Variants in MYO16 observed in about 807,000 individuals in gnomAD.
MYO16 encodes the protein myosin XVI, also known as unconventional myosin-XVI.
MYO16 carries 94 observed loss-of-function variants against 205.3 expected under a neutral mutation model. The ratio of observed to expected loss-of-function variants is 0.46; its 90% CI spans 0.39 to 0.54. The LOEUF is 0.54. Among genes scored for constraint, MYO16 ranks in the 20% least tolerant of loss-of-function variants. MYO16 has a pLI of 0.00. For synonymous variants in MYO16, 988 were observed against 954.0 expected, an observed-to-expected ratio of 1.04 and a Z score of -0.66; for missense variants, 2,315 against 2,387.5, an observed-to-expected ratio of 0.97 and a Z score of 0.63.
At chr13:108,859,697 C>T (rs959904435) in intron 11 of MYO16, among the ~76,000 whole-genome samples, 1 of 152,156 alleles carries the variant, frequency 6.6e-6, no homozygotes, top group Non-Finnish European at 1.5e-5. Flanking sequence ...TGAATACTTA[C>T]TGCCAGCAGC....
chr13:109,055,653 AC>A lies in MYO16; in HGVS notation c.3335+59del. 5 of 1,408,506 alleles carry A rather than the reference AC, an allele frequency of 3.5e-6. No individual in the cohort carries two copies. Among genetic ancestry groups the A allele is most frequent in the Non-Finnish European group, 5.0e-6 (5 of 1,006,968 alleles). 87.3% of individuals were successfully genotyped at this position (1,408,506 alleles called of 1,614,324 possible). ...CGCTGCTGTTCAGTGCAGTGTACTG[AC>A]ACTGACACTATTGTAGCAAGGGTCT... is the stretch of plus-strand genomic sequence containing the variant. On this transcript the variant is annotated intron_variant, in intron 27 of 34. Coordinates refer to ENST00000457511, the MANE Select transcript of MYO16 (RefSeq NM_001198950.3). The surrounding 1 kb of genome is among the most constrained non-coding windows in gnomAD (Gnocchi z 5.0).
intron 28 of MYO16, among the ~76,000 whole-genome samples, chr13:109,104,349 T>A (rs1594089262): frequency 6.6e-6 from 1 of 152,316 alleles, no homozygotes; most frequent in Admixed American, 6.5e-5. Context: ...GTGTCTTTTT[T>A]ATGTTTATAA....
chr13:109,141,036 C>T lies in MYO16; in HGVS notation c.4824C>T (p.Pro1608=), dbSNP rs1359660486. 1.4e-6 allele frequency: 2 copies of T among 1,393,022 alleles called. No homozygotes were observed. The highest frequency in any genetic ancestry group is 1.5e-5 in the African/African-American group (1 of 65,526). 86.3% of individuals were successfully genotyped at this position (1,393,022 alleles called of 1,614,324 possible). The part of the protein sequence containing the change: ...PPPPPGPPPA[P]YRPCAHLAFP... ...CCCCGCCCGGGCCGCCCCCCGCGCC[C>T]TACAGGCCCTGCGCGCACTTGGCCT... The change falls in exon 32 of 35, where the codon CCC becomes CCT. Residue 1608 remains proline (P), a synonymous_variant. Transcript: ENST00000457511. This position sits in a 1 kb window ranked among gnomAD's most constrained non-coding sequence, Gnocchi z 4.1.
intron 16 of MYO16, among the ~76,000 whole-genome samples, chr13:108,915,170 C>G (rs996076854): frequency 2.6e-5 from 4 of 152,136 alleles, no homozygotes; most frequent in Admixed American, 6.6e-5. Flanking sequence ...TAGACATCAC[C>G]TCCTAAGGCT....
chr13:109,165,093 A>G (rs762840257), intron 33 of MYO16, 34 bp downstream of exon 33: 15 of 1,538,886 alleles, frequency 9.7e-6, no homozygotes, highest in Non-Finnish European at 1.2e-5. Context: ...GTAAATGTAC[A>G]AAAGTTTTAG....
At chr13:108,713,994 G>A (rs1345095546) in intron 3 of MYO16, among the ~76,000 whole-genome samples, 1 of 152,172 alleles carries the variant, frequency 6.6e-6, no homozygotes, top group East Asian at 1.9e-4. Flanking sequence ...ATTCTGCTAA[G>A]AGTCTTCCAT....
upstream of MYO16, among the ~76,000 whole-genome samples, chr13:108,594,234 A>G (rs1317837408): frequency 6.6e-6 from 1 of 152,204 alleles, no homozygotes; most frequent in East Asian, 1.9e-4. Flanking sequence ...AACCCACAGA[A>G]TATCCCACTT....
chr13:108,552,684 C>A, the MYO16 span, among the ~76,000 whole-genome samples: 5 of 152,250 alleles, frequency 3.3e-5, no homozygotes, highest in South Asian at 6.2e-4. Flanking sequence ...CTGTGATATA[C>A]CCCATGACTT....
upstream of MYO16, among the ~76,000 whole-genome samples, chr13:108,593,344 G>T (rs1360677499): frequency 6.6e-6 from 1 of 152,128 alleles, no homozygotes; most frequent in East Asian, 1.9e-4. Flanking sequence ...GCTGGAGTTG[G>T]GTCAATCCAA....
intron 1 of MYO16, among the ~76,000 whole-genome samples, chr13:108,599,116 T>C (rs985327840): frequency 7.3e-5 from 11 of 151,068 alleles, no homozygotes; most frequent in African/African-American, 2.4e-4. Flanking sequence ...CTTGCGATAG[T>C]TTACTGAGAA....
chr13:109,179,008 C>CCCACCTT lies in MYO16; in HGVS notation c.5324-533_5324-527dup, dbSNP rs148449497. The stretch of plus-strand genomic sequence containing the variant: ...GGTGTGTTGTGAATCGGCAGCTCTC[C>CCCACCTT]CCACCTTTTCCTCATGGAAATTCAG... On this transcript the variant is annotated intron_variant, in intron 33 of 34. Transcript: ENST00000457511. Among the ~76,000 whole-genome samples the CCCACCTT allele has an allele frequency of 2.6e-5, 4 of 152,284 alleles. No homozygotes were observed. In the East Asian group the frequency reaches 7.7e-4, roughly 29 times the overall value.
At chr13:108,730,506 T>C (rs190981096) in intron 4 of MYO16, among the ~76,000 whole-genome samples, 18 of 152,276 alleles carry the variant, frequency 1.2e-4, no homozygotes, top group Non-Finnish European at 2.2e-4. Context: ...GAAGGAGGCA[T>C]GTTTATAACC....
At chr13:109,139,536 C>A (rs995496829) in intron 31 of MYO16, among the ~76,000 whole-genome samples, 2 of 152,162 alleles carry the variant, frequency 1.3e-5, no homozygotes, top group African/African-American at 4.8e-5. Flanking sequence ...CAGCCACAGA[C>A]AAAACTCCTC....
intron 14 of MYO16, among the ~76,000 whole-genome samples, chr13:108,889,784 A>G (rs1290827689): frequency 6.6e-6 from 1 of 152,202 alleles, no homozygotes; most frequent in Non-Finnish European, 1.5e-5. Flanking sequence ...GTACACCAGC[A>G]GCTCTGGATC....
At chr13:108,795,364 A>T (rs562352522) in intron 6 of MYO16, among the ~76,000 whole-genome samples, 2 of 152,034 alleles carry the variant, frequency 1.3e-5, no homozygotes, top group East Asian at 3.9e-4. Flanking sequence ...GCATGTCACC[A>T]CGCCCAGCTA....
the MYO16 span, among the ~76,000 whole-genome samples, chr13:108,547,804 A>G: frequency 1.3e-5 from 2 of 152,248 alleles, no homozygotes; most frequent in East Asian, 3.8e-4. Flanking sequence ...ATGTAAATAA[A>G]GAAAATCTTC....
chr13:108,708,260 C>A (rs898641061), intron 2 of MYO16, among the ~76,000 whole-genome samples: 1 of 152,018 alleles, frequency 6.6e-6, no homozygotes, highest in Non-Finnish European at 1.5e-5. Context: ...CTTCTTGCTT[C>A]TCTTCTTGAT....
chr13:109,009,647 TA>T (rs1885526013), intron 22 of MYO16, among the ~76,000 whole-genome samples: 1 of 152,184 alleles, frequency 6.6e-6, no homozygotes, highest in Non-Finnish European at 1.5e-5. Flanking sequence ...AAGAAAACAT[TA>T]TATGGATTTA....
chr13:108,844,788 T>C (rs1347985189), intron 10 of MYO16, among the ~76,000 whole-genome samples: 1 of 152,204 alleles, frequency 6.6e-6, no homozygotes, highest in Non-Finnish European at 1.5e-5. Context: ...TTGTCATTAT[T>C]TTGATTTTTA....
Sources: gnomAD v4.1 joint callset for allele counts (sites outside exome capture counted in the v4.1 genomes callset) on GRCh38, gnomAD v4.1.1 for gene constraint, Gnocchi (gnomAD v3.1) non-coding constraint, MANE v1.5 for transcripts, NCBI Gene and HGNC (gene_info 2026-07-23, HGNC 2026-07-21) for gene names.